Variants in NEO1 observed in about 807,000 individuals in gnomAD.
The protein encoded by NEO1 is neogenin.
Under a neutral mutation model 159.7 loss-of-function variants are expected in NEO1, and 63 were observed. That is an observed-to-expected ratio of 0.39 (90% CI 0.32 to 0.49). NEO1 has a LOEUF of 0.49. NEO1 is among the 20% of genes least tolerant of loss of function. The pLI is 0.85. For missense variants in NEO1, 1,615 were observed against 1,831.0 expected (o/e 0.88, Z 2.15); for synonymous variants, 633 against 662.0 (o/e 0.96, Z 0.67).
intron 1 of NEO1, among the ~76,000 whole-genome samples, chr15:73,071,045 G>T (rs1173672010): frequency 6.6e-6 from 1 of 152,070 alleles, no homozygotes; most frequent in Non-Finnish European, 1.5e-5. Context: ...GCTAACGGTA[G>T]CCTTCAACTC....
intron 7 of NEO1, among the ~76,000 whole-genome samples, chr15:73,188,970 A>T (rs1178333484): frequency 2.0e-5 from 3 of 152,020 alleles, no homozygotes; most frequent in Non-Finnish European, 4.4e-5. Context: ...GTGGTGGCAC[A>T]CACCTTTGGT....
rs185250742 is a variant in NEO1 at position 73,147,908 on chromosome 15, G to A, written c.1015+11881G>A. On this transcript the variant is annotated intron_variant, in intron 5 of 28. Transcript: ENST00000261908. ...GGCTCACTGCATCCTCCACCTCCTG[G>A]GTTCAAGTGATTCTCCTGCCTCAGC... is the stretch of plus-strand genomic sequence containing the variant. 1.8e-3 allele frequency among the ~76,000 whole-genome samples: 272 copies of A among 151,806 alleles called. 1 individual carries two copies. Among genetic ancestry groups the A allele is most frequent in the African/African-American group, 6.4e-3 (265 of 41,406 alleles).
chr15:73,131,705 C>G (rs959558949), intron 4 of NEO1, among the ~76,000 whole-genome samples: 1 of 152,230 alleles, frequency 6.6e-6, no homozygotes, highest in Admixed American at 6.5e-5. Context: ...TTTACCACAG[C>G]ACTCTCAACC....
rs1596566191 is a variant in NEO1, at chr15:73,278,151, G to A, written c.3214G>A (p.Gly1072Arg). The A allele has an allele frequency of 6.2e-7, 1 of 1,613,274 alleles. No homozygotes were observed. ...TTTAGCCTCAGGGTCTGGAGGGAAAGGAAGCCGGCTGCCAGACCTAGGATC... is the reference window on the plus strand; with the variant it reads ...TTTAGCCTCAGGGTCTGGAGGGAAAAGAAGCCGGCTGCCAGACCTAGGATC... ...NDQASGSGGK[G>R]SRLPDLGSDY... Residue 1072 changes from glycine (G) to arginine (R), a missense_variant, in exon 22 of 29, where the codon GGA (glycine) becomes AGA (arginine). This residue lies in a region of NEO1 where 126 missense variants were observed against 216.7 expected (regional missense o/e 0.58). Coordinates refer to ENST00000261908, the MANE Select transcript of NEO1 (RefSeq NM_002499.4).
At chr15:73,164,119 C>G (rs1486109814) in intron 5 of NEO1, among the ~76,000 whole-genome samples, 2 of 151,450 alleles carry the variant, frequency 1.3e-5, no homozygotes, top group Non-Finnish European at 2.9e-5. Context: ...CCTCTGCCTC[C>G]CATGTTCAAG....
intron 5 of NEO1, among the ~76,000 whole-genome samples, chr15:73,140,553 C>CT (rs935137824): frequency 1.7e-4 from 26 of 151,950 alleles, no homozygotes; most frequent in African/African-American, 6.0e-4. Context: ...AAAACCATCT[C>CT]TAAAAAATAA....
chr15:73,230,587 A>G (rs922093512), intron 7 of NEO1, among the ~76,000 whole-genome samples: 2 of 152,046 alleles, frequency 1.3e-5, no homozygotes, highest in African/African-American at 4.8e-5. Context: ...TTTTATTTTT[A>G]TAGTGTTAAA....
intron 7 of NEO1, among the ~76,000 whole-genome samples, chr15:73,195,765 A>G (rs1041194931): frequency 6.6e-6 from 1 of 152,088 alleles, no homozygotes; most frequent in African/African-American, 2.4e-5. Context: ...ATTTTTTCCT[A>G]ATTTTAGAGT....
intron 15 of NEO1, among the ~76,000 whole-genome samples, chr15:73,262,864 T>G (rs1215612349): frequency 6.6e-6 from 1 of 152,132 alleles, no homozygotes; most frequent in Non-Finnish European, 1.5e-5. Context: ...ATCCATGGAG[T>G]ACTACTCAGC....
intron 24 of NEO1, among the ~76,000 whole-genome samples, chr15:73,288,829 T>C (rs1369703136): frequency 6.6e-6 from 1 of 152,180 alleles, no homozygotes; most frequent in African/African-American, 2.4e-5. Flanking sequence ...AGCTAGCCCA[T>C]GTCTGTGCAT....
intron 7 of NEO1, among the ~76,000 whole-genome samples, chr15:73,179,239 A>C (rs1377352016): frequency 6.6e-6 from 1 of 152,180 alleles, no homozygotes; most frequent in Non-Finnish European, 1.5e-5. Flanking sequence ...ACTCTAGACA[A>C]TATAAGAATG....
chr15:73,277,937 T>C (rs1208299323), intron 21 of NEO1, among the ~76,000 whole-genome samples, 194 bp from the exon 22 acceptor site: 6 of 152,218 alleles, frequency 3.9e-5, no homozygotes, highest in African/African-American at 1.4e-4. Flanking sequence ...GATGCCTCAT[T>C]ACATAGAAAG....
At chr15:73,178,047 T>A (rs998589947) in intron 6 of NEO1, among the ~76,000 whole-genome samples, 3 of 152,182 alleles carry the variant, frequency 2.0e-5, no homozygotes. Flanking sequence ...AAGGTGTAGT[T>A]TGCAAACAGT....
Position 73,301,555 on chromosome 15 carries a change from C to T in NEO1, c.4302+98C>T, listed in dbSNP as rs559646748. ...GCTGATAATCTGTGCATACCAGGCCCGCCACCCAGAACTATGAAGCAGATA... is the reference window on the plus strand; with the variant it reads ...GCTGATAATCTGTGCATACCAGGCCTGCCACCCAGAACTATGAAGCAGATA... On this transcript the variant is annotated intron_variant, in intron 28 of 28. Coordinates refer to ENST00000261908, the MANE Select transcript of NEO1 (RefSeq NM_002499.4). The T allele has an allele frequency of 3.1e-5, 46 of 1,506,502 alleles. No homozygotes were observed. In the South Asian group the frequency reaches 3.7e-4, roughly 12 times the overall value. The allele number at this position is 1,506,502 out of a possible 1,614,324, so 93.3% of individuals were successfully genotyped here.
intron 1 of NEO1, among the ~76,000 whole-genome samples, chr15:73,073,239 G>A (rs1256050031): frequency 2.0e-5 from 3 of 152,140 alleles, no homozygotes; most frequent in Non-Finnish European, 4.4e-5. Context: ...GATTCTGCTG[G>A]CAGAATTAAG....
At chr15:73,193,482 C>T (rs1338377047) in intron 7 of NEO1, among the ~76,000 whole-genome samples, 2 of 151,264 alleles carry the variant, frequency 1.3e-5, no homozygotes, top group Non-Finnish European at 2.9e-5. Flanking sequence ...AATTTATGTT[C>T]TTTTTTCCGC....
Position 73,273,829 on chromosome 15 carries a change from G to A in NEO1, c.2984G>A (p.Ser995Asn), listed in dbSNP as rs1398628931. ...GKITGYIIYY[S>N]TDVNAEIHDW... is the part of the protein sequence containing the mutation. ...TGGACAGGTTACATCATATATTACA[G>A]TACAGATGTGAATGCAGAGATACAT... The change falls in exon 20 of 29, where the codon AGT (serine) becomes AAT (asparagine). Residue 995 changes from serine (S) to asparagine (N), a missense_variant. Ser to Asn is a conservative substitution (Grantham distance 46). Coordinates refer to ENST00000261908, the MANE Select transcript of NEO1 (RefSeq NM_002499.4). 6.2e-7 allele frequency: 1 copy of A among 1,613,786 alleles called. No homozygotes were observed.
At chr15:73,225,859 C>T (rs1212075147) in intron 7 of NEO1, among the ~76,000 whole-genome samples, 3 of 152,124 alleles carry the variant, frequency 2.0e-5, no homozygotes, top group Non-Finnish European at 2.9e-5. Flanking sequence ...ATTTCCTTCT[C>T]CCTGTGGTGT....
At chr15:73,125,012 A>G (rs1484124177) in intron 3 of NEO1, among the ~76,000 whole-genome samples, 2 of 152,230 alleles carry the variant, frequency 1.3e-5, no homozygotes, top group African/African-American at 4.8e-5. Flanking sequence ...CTTTTACATG[A>G]CAGAGGTAAT....
Sources: allele counts gnomAD v4.1 joint callset (sites outside exome capture counted in the v4.1 genomes callset), GRCh38; gene constraint gnomAD v4.1.1; regional missense constraint gnomAD v4.1.1; transcripts MANE v1.5; gene names NCBI Gene and HGNC (gene_info 2026-07-23, HGNC 2026-07-21).